CABLES1: variants seen among roughly 807,000 people sequenced by gnomAD.
CABLES1 encodes the protein CDK5 and ABL1 enzyme substrate 1.
In CABLES1, 36 loss-of-function variants were observed where a neutral mutation model predicts 57.8. The observed-to-expected ratio is 0.62, with a 90% CI of 0.48 to 0.82. The LOEUF is 0.82. Among genes scored for constraint, CABLES1 ranks in the 40% least tolerant of loss-of-function variants. CABLES1 has a pLI of 0.00. For missense variants in CABLES1, 767 were observed against 836.6 expected (o/e 0.92, Z 1.03); for synonymous variants, 374 against 363.0 (o/e 1.03, Z -0.35).
chr18:23,152,510 G>A (rs1424504499), intron 1 of CABLES1, among the ~76,000 whole-genome samples: 9 of 131,654 alleles, frequency 6.8e-5, no homozygotes, highest in Admixed American at 2.5e-4. Flanking sequence ...TTTTTGAGAC[G>A]GTCTCACTCT....
chr18:23,236,213 A>T (rs911180746), intron 6 of CABLES1, among the ~76,000 whole-genome samples, 162 bp downstream of exon 6: 1 of 152,132 alleles, frequency 6.6e-6, no homozygotes, highest in African/African-American at 2.4e-5. Context: ...CCCGCAATGA[A>T]GCCGCAGGTG....
intron 1 of CABLES1, among the ~76,000 whole-genome samples, chr18:23,143,829 TC>T (rs10709317): frequency 1 from 152,171 of 152,174 alleles, 76,084 homozygotes; most frequent in Middle Eastern, 1. Context: ...TGTCAATCCC[TC>T]CCCCCCTGGG....
At chr18:23,154,828 A>C (rs1296277674) in intron 1 of CABLES1, among the ~76,000 whole-genome samples, 1 of 152,248 alleles carries the variant, frequency 6.6e-6, no homozygotes, top group African/African-American at 2.4e-5. Flanking sequence ...CTTCCTGAAC[A>C]AAACAGGTTG....
chr18:23,191,852 G>A (rs1249205238), intron 2 of CABLES1, among the ~76,000 whole-genome samples: 3 of 133,700 alleles, frequency 2.2e-5, no homozygotes, highest in Non-Finnish European at 3.1e-5. Flanking sequence ...TGTTGCCAAC[G>A]CCACAATTCT....
Position 23,135,623 on chromosome 18 carries a change from G to C in CABLES1, c.-140G>C, listed in dbSNP as rs1465627120. ...GAGGGGCGAGCATGGCCCGCCCGCG[G>C]GGGGGCTGGACCGCCGCGCACGCCG... is the stretch of plus-strand genomic sequence containing the variant. On this transcript the variant is annotated 5_prime_UTR_variant, in exon 1 of 10. Coordinates refer to ENST00000256925, the MANE Select transcript of CABLES1 (RefSeq NM_001100619.3). 6.0e-6 allele frequency: 4 copies of C among 667,756 alleles called. No individual in the cohort carries two copies. Among genetic ancestry groups the C allele is most frequent in the Admixed American group, 1.3e-4 (2 of 15,668 alleles). 41.4% of individuals were successfully genotyped at this position (667,756 alleles called of 1,614,324 possible).
At position 23,150,210 on chromosome 18, in the gene CABLES1, T is replaced by TTG. The variant is rs796680068; in HGVS notation, c.845+13604_845+13605insGT. Reference sequence around the variant, plus strand: ...AAGGTCATAGTAGTTGGTGTTTGTTTTTTTTTTTTTTTTTTTGAGACGGAG... The same window carrying TTG: ...AAGGTCATAGTAGTTGGTGTTTGTTTTGTTTTTTTTTTTTTTTTGAGACGGAG... On this transcript the variant is annotated intron_variant, in intron 1 of 9. Coordinates refer to ENST00000256925, the MANE Select transcript of CABLES1 (RefSeq NM_001100619.3). Among the ~76,000 whole-genome samples, 157 of 141,774 alleles carry TTG rather than the reference T, an allele frequency of 1.1e-3. 1 individual carries two copies. The East Asian group carries it at 0.015, about 13-fold the overall frequency. The allele number at this position is 141,774 out of a possible 152,430, so 93.0% of individuals were successfully genotyped here.
chr18:23,239,633 A>G (rs1266203481), intron 7 of CABLES1, among the ~76,000 whole-genome samples: 2 of 152,196 alleles, frequency 1.3e-5, no homozygotes, highest in African/African-American at 2.4e-5. Context: ...GTTGGGGAAC[A>G]GGTATAGAAT....
chr18:23,248,129 G>A (rs941223299), intron 7 of CABLES1, among the ~76,000 whole-genome samples: 2 of 152,254 alleles, frequency 1.3e-5, no homozygotes, highest in East Asian at 3.8e-4. Flanking sequence ...CAGAGCCGCA[G>A]GCTGAGCTGA....
chr18:23,191,113 C>T (rs918614240), intron 2 of CABLES1, among the ~76,000 whole-genome samples: 1 of 150,494 alleles, frequency 6.6e-6, no homozygotes, highest in Admixed American at 6.6e-5. Context: ...TAACCAGGCA[C>T]ATGGATGTGC....
chr18:23,164,670 T>G (rs1344622854), intron 1 of CABLES1, among the ~76,000 whole-genome samples: 3 of 148,078 alleles, frequency 2.0e-5, no homozygotes, highest in Non-Finnish European at 4.5e-5. Context: ...TTTTTTTTTT[T>G]GCAGGATAAT....
chr18:23,152,338 T>C (rs1284327712), intron 1 of CABLES1, among the ~76,000 whole-genome samples: 2 of 152,224 alleles, frequency 1.3e-5, no homozygotes, highest in Non-Finnish European at 2.9e-5. Context: ...TTGCCGTTAC[T>C]GTCCTAATGG....
intron 3 of CABLES1, among the ~76,000 whole-genome samples, chr18:23,205,841 G>A (rs12605648): frequency 0.074 from 11,300 of 152,118 alleles, 899 homozygotes; most frequent in Admixed American, 0.22. Context: ...TCTAGGTGAT[G>A]GAGCAAAAGC....
At chr18:23,170,289 T>C (rs1308792239) in intron 1 of CABLES1, among the ~76,000 whole-genome samples, 3 of 152,132 alleles carry the variant, frequency 2.0e-5, no homozygotes, top group Non-Finnish European at 2.9e-5. Flanking sequence ...AATATAAACA[T>C]GTAACAAGGG....
intron 3 of CABLES1, among the ~76,000 whole-genome samples, chr18:23,195,845 A>G (rs576212512): frequency 2.6e-5 from 4 of 152,344 alleles, no homozygotes; most frequent in South Asian, 2.1e-4. Context: ...TTTTACTTAC[A>G]GAATACAGAG....
intron 1 of CABLES1, 37 bp downstream of exon 1, chr18:23,136,644 GTC>G: frequency 1.6e-6 from 2 of 1,269,472 alleles, no homozygotes; most frequent in Admixed American, 3.0e-5. Flanking sequence ...CCAACCCTGC[GTC>G]CCGCCCGGCG....
Position 23,186,281 on chromosome 18 carries a change from A to G in CABLES1, c.846-2557A>G, listed in dbSNP as rs186870120. On this transcript the variant is annotated intron_variant, in intron 1 of 9. Coordinates refer to ENST00000256925, the MANE Select transcript of CABLES1 (RefSeq NM_001100619.3). ...TGAAGGAAACTGGAGTGTCAATCAA[A>G]AGCCCAGTAGCTCCCATTCATTAAG... 9.8e-5 allele frequency among the ~76,000 whole-genome samples: 15 copies of G among 152,292 alleles called. 1 individual carries two copies. The highest frequency in any genetic ancestry group is 9.1e-4 in the Admixed American group (14 of 15,306).
At chr18:23,204,147 A>C (rs966609781) in intron 3 of CABLES1, among the ~76,000 whole-genome samples, 3 of 152,158 alleles carry the variant, frequency 2.0e-5, no homozygotes, top group Non-Finnish European at 2.9e-5. Flanking sequence ...TTCACCTGGC[A>C]CTAAGTGGCG....
Position 23,252,873 on chromosome 18 carries a change from G to A in CABLES1, c.1447-87G>A, listed in dbSNP as rs1228479745. 1.2e-5 allele frequency: 10 copies of A among 827,078 alleles called. No individual in the cohort carries two copies. The Admixed American group carries it at 1.6e-4, about 13-fold the overall frequency. 51.2% of individuals were successfully genotyped at this position (827,078 alleles called of 1,614,324 possible). ...GTTTTCCCGTTGCTCATGGCTTTGG[G>A]AGTTGTAAGTTGGTCGTAGTTGGTG... On this transcript the variant is annotated intron_variant, in intron 7 of 9. Transcript: ENST00000256925.
intron 1 of CABLES1, among the ~76,000 whole-genome samples, chr18:23,145,786 T>C (rs1226849336): frequency 6.6e-6 from 1 of 152,242 alleles, no homozygotes; most frequent in Admixed American, 6.5e-5. Flanking sequence ...CTCTTTGTTT[T>C]AGTAGTTTGG....
Sources: allele counts gnomAD v4.1 joint callset (sites outside exome capture counted in the v4.1 genomes callset), GRCh38; gene constraint gnomAD v4.1.1; transcripts MANE v1.5; gene names NCBI Gene and HGNC (gene_info 2026-07-23, HGNC 2026-07-21).